Variants in PRMT8 observed in about 807,000 individuals in gnomAD.
The protein encoded by PRMT8 is protein arginine methyltransferase 8.
In PRMT8, 7 loss-of-function variants were observed where a neutral mutation model predicts 47.1. The observed-to-expected ratio is 0.15, with a 90% confidence interval of 0.08 to 0.28. The LOEUF (loss-of-function observed/expected upper bound fraction) is 0.28, where lower values mean the gene tolerates loss of function less well. Ranked by LOEUF, PRMT8 falls within the 10% of genes least tolerant of loss-of-function variation. The pLI, the probability that PRMT8 is intolerant of heterozygous loss-of-function variation, is 1.00. For synonymous variants in PRMT8, 188 were observed against 186.5 expected, an observed-to-expected ratio of 1.01 and a Z score of -0.07; for missense variants, 237 against 505.4, an observed-to-expected ratio of 0.47 and a Z score of 5.09.
At chr12:3,465,518 T>A (rs1260399296) in intron 1 of PRMT8, among the ~76,000 whole-genome samples, 1 of 151,890 alleles carries the variant, frequency 6.6e-6, no homozygotes, top group African/African-American at 2.4e-5. Flanking sequence ...GATGAGTGCC[T>A]GGAAAGGAAA....
At position 3,583,348 on chromosome 12, in the gene PRMT8, A is replaced by T; in HGVS notation, c.979+140A>T. Reference sequence around the variant, plus strand: ...TGACACCTATCAACCCTCTCCAGCCATGGAGGAACCATGCATCCCTATATT... The same window carrying T: ...TGACACCTATCAACCCTCTCCAGCCTTGGAGGAACCATGCATCCCTATATT... On this transcript the variant is annotated intron_variant, in intron 8 of 9. Coordinates refer to ENST00000382622, the MANE Select transcript of PRMT8 (RefSeq NM_019854.5). The surrounding 1 kb of genome is among the most constrained non-coding windows in gnomAD (Gnocchi z 4.7). 3.3e-6 allele frequency: 3 copies of T among 921,256 alleles called. No individual in the cohort carries two copies. Among genetic ancestry groups the T allele is most frequent in the Non-Finnish European group, 4.8e-6 (3 of 624,792 alleles). 57.1% of individuals were successfully genotyped at this position (921,256 alleles called of 1,614,324 possible).
rs1437027676 is a variant in PRMT8 at position 3,569,573 on chromosome 12, C to T, written c.712+9C>T. On this transcript the variant is annotated intron_variant, in intron 6 of 9. Coordinates refer to ENST00000382622, the MANE Select transcript of PRMT8 (RefSeq NM_019854.5). The surrounding 1 kb of genome is among the most constrained non-coding windows in gnomAD (Gnocchi z 8.2). ...GGACTTCAAAATCCACTGTAAGTCC[C>T]CTCTTGCTTCTCCGGTGGACTTCCA... 2.5e-6 allele frequency: 4 copies of T among 1,610,752 alleles called. No homozygotes were observed. The highest frequency in any genetic ancestry group is 1.3e-5 in the African/African-American group (1 of 74,826).
chr12:3,394,511 A>G (rs1016040008), intron 1 of PRMT8, among the ~76,000 whole-genome samples: 64 of 151,414 alleles, frequency 4.2e-4, no homozygotes, highest in African/African-American at 1.5e-3. Flanking sequence ...GCTGGATTAC[A>G]TTTATTGATT....
chr12:3,555,488 G>A (rs943251618), intron 4 of PRMT8, among the ~76,000 whole-genome samples: 27 of 152,344 alleles, frequency 1.8e-4, no homozygotes, highest in Admixed American at 4.6e-4. Flanking sequence ...GGCATGGAAA[G>A]CACAGGGATC....
intron 2 of PRMT8, 110 bp downstream of exon 2, chr12:3,540,901 C>T (rs921977644): frequency 3.1e-6 from 4 of 1,273,310 alleles, no homozygotes; most frequent in Admixed American, 2.0e-5. Context: ...AGGGAGTGCT[C>T]CCAGTGTTCC....
chr12:3,588,882 G>T (rs988543643), intron 8 of PRMT8, among the ~76,000 whole-genome samples: 1 of 152,178 alleles, frequency 6.6e-6, no homozygotes, highest in Non-Finnish European at 1.5e-5. Flanking sequence ...CATAGATGGG[G>T]TTGGGGCAGG....
chr12:3,440,316 G>T (rs141490227), intron 1 of PRMT8, among the ~76,000 whole-genome samples: 265 of 152,160 alleles, frequency 1.7e-3, no homozygotes, highest in African/African-American at 6.3e-3. Flanking sequence ...AAAAAAATTA[G>T]CCAGGCATGG....
intron 2 of PRMT8, among the ~76,000 whole-genome samples, chr12:3,548,155 GA>G (rs988751035): frequency 6.6e-6 from 1 of 151,928 alleles, no homozygotes; most frequent in African/African-American, 2.4e-5. Context: ...TTATTTGCAA[GA>G]AAAAATGAGC....
At chr12:3,512,119 G>A (rs1196921403) in intron 1 of PRMT8, among the ~76,000 whole-genome samples, 1 of 152,134 alleles carries the variant, frequency 6.6e-6, no homozygotes, top group African/African-American at 2.4e-5. Context: ...TCACTGCAGT[G>A]GACTCTCCTT....
At chr12:3,518,059 G>T (rs1419831560) in intron 1 of PRMT8, among the ~76,000 whole-genome samples, 2 of 150,460 alleles carry the variant, frequency 1.3e-5, no homozygotes, top group Non-Finnish European at 3.0e-5. Context: ...AAAAAGCATA[G>T]TAAACAGCCC....
chr12:3,559,835 G>T (rs147129018), intron 4 of PRMT8, among the ~76,000 whole-genome samples: 1 of 152,126 alleles, frequency 6.6e-6, no homozygotes, highest in African/African-American at 2.4e-5. Flanking sequence ...TGTGGCATCC[G>T]CACCCCTACC....
At position 3,508,966 on chromosome 12, in the gene PRMT8, T is replaced by C. The variant is rs552797591; in HGVS notation, c.75+17266T>C. ...GATTCTACATCTGAAATGTTTCTCC[T>C]CTTTGTCCTGAATCTGTCCTCCCCA... On this transcript the variant is annotated intron_variant, in intron 1 of 9. Transcript: ENST00000382622. This position sits in a 1 kb window ranked among gnomAD's most constrained non-coding sequence, Gnocchi z 4.9. Among the ~76,000 whole-genome samples, 1 of 152,190 alleles carries C rather than the reference T, an allele frequency of 6.6e-6. No homozygotes were observed. The highest frequency in any genetic ancestry group is 2.4e-5 in the African/African-American group (1 of 41,450).
At position 3,540,633 on chromosome 12, in the gene PRMT8, C is replaced by CCCCCCCCCCCCCCCCCCCCCCA; in HGVS notation, c.103_104insCCCCCCCCCCCCCCCCCCCCCA (p.Gln35ProfsTer14). 6.4e-7 allele frequency: 1 copy of CCCCCCCCCCCCCCCCCCCCCCA among 1,553,206 alleles called. No individual in the cohort carries two copies. Among genetic ancestry groups the CCCCCCCCCCCCCCCCCCCCCCA allele is most frequent in the Non-Finnish European group, 8.9e-7 (1 of 1,127,238 alleles). ...GAACAGCCCCCCCTCCCAGCCCCCC[C>CCCCCCCCCCCCCCCCCCCCCCA]AGCCCGTCGTCCCTGCTAAGCCCGT... On this transcript the variant is annotated frameshift_variant, in exon 2 of 10. Coordinates refer to ENST00000382622, the MANE Select transcript of PRMT8 (RefSeq NM_019854.5). LOFTEE classifies it high-confidence loss of function.
intron 1 of PRMT8, among the ~76,000 whole-genome samples, chr12:3,494,351 G>A (rs1168861140): frequency 2.6e-5 from 4 of 152,140 alleles, no homozygotes; most frequent in Non-Finnish European, 5.9e-5. Flanking sequence ...ACAATCCTGT[G>A]AGATAAGCAA....
chr12:3,467,137 G>C (rs775569317), intron 1 of PRMT8, among the ~76,000 whole-genome samples: 110 of 151,238 alleles, frequency 7.3e-4, no homozygotes, highest in Admixed American at 2.0e-3. Flanking sequence ...CTACTCGGGA[G>C]GCTGAGGCAG....
chr12:3,430,046 G>A (rs141356403), intron 1 of PRMT8, among the ~76,000 whole-genome samples: 2 of 152,176 alleles, frequency 1.3e-5, no homozygotes, highest in East Asian at 3.8e-4. Context: ...TATTCAGCTG[G>A]GAGCACCGGC....
intron 1 of PRMT8, among the ~76,000 whole-genome samples, chr12:3,412,074 C>T (rs148329939): frequency 2.0e-4 from 31 of 152,292 alleles, no homozygotes; most frequent in African/African-American, 7.0e-4. Flanking sequence ...GTTGTACTAA[C>T]GTCATAGAGT....
chr12:3,449,672 T>C (rs1163488764), intron 1 of PRMT8, among the ~76,000 whole-genome samples: 2 of 152,152 alleles, frequency 1.3e-5, no homozygotes, highest in Non-Finnish European at 2.9e-5. Flanking sequence ...TTTTCTCCCA[T>C]TCTTTATGAG....
upstream of PRMT8, among the ~76,000 whole-genome samples, chr12:3,487,349 GT>G (rs1865332256): frequency 5.7e-3 from 1 of 176 alleles, no homozygotes; most frequent in African/African-American, 0.038. Context: ...AGGCAGCATG[GT>G]CCGCAGTTAA....
Sources: gnomAD v4.1 joint callset for allele counts (sites outside exome capture counted in the v4.1 genomes callset) on GRCh38, gnomAD v4.1.1 for gene constraint, Gnocchi (gnomAD v3.1) non-coding constraint, MANE v1.5 for transcripts, NCBI Gene and HGNC (gene_info 2026-07-23, HGNC 2026-07-21) for gene names.